The following SUGP1 variants were observed in gnomAD, a reference collection of about 807,000 sequenced individuals.
SUGP1 encodes the protein SURP and G-patch domain-containing protein 1.
Under a neutral mutation model 76.5 loss-of-function variants are expected in SUGP1, and 34 were observed. The observed-to-expected ratio is 0.44, with a 90% CI of 0.34 to 0.59. The LOEUF is 0.59. Among genes scored for constraint, SUGP1 ranks in the 20% least tolerant of loss-of-function variants. The pLI is 0.01. For missense variants in SUGP1, 752 were observed against 851.7 expected (o/e 0.88, Z 1.46); for synonymous variants, 326 against 326.2 (o/e 1.00, Z 0.01).
At chr19:19,277,261 G>T (rs2061059336) in intron 12 of SUGP1, among the ~76,000 whole-genome samples, 185 bp from the exon 13 acceptor site, 2 of 150,902 alleles carry the variant, frequency 1.3e-5, no homozygotes, top group South Asian at 4.2e-4. Context: ...CGGGGGGGGG[G>T]GGCCTAGGCC....
intron 9 of SUGP1, 65 bp from the exon 10 acceptor site, chr19:19,279,455 C>A: frequency 6.7e-7 from 1 of 1,488,532 alleles, no homozygotes; most frequent in Non-Finnish European, 9.0e-7. Context: ...CCCGCTCCTG[C>A]TCCCCGCCTC....
intron 7 of SUGP1, chr19:19,301,985 T>C (rs979801149): frequency 9.1e-6 from 4 of 441,212 alleles, no homozygotes; most frequent in Non-Finnish European, 1.6e-5. Flanking sequence ...CAAAGGCAAC[T>C]GGGCAAGTGC....
intron 2 of SUGP1, among the ~76,000 whole-genome samples, chr19:19,314,187 C>T (rs765726736): frequency 6.6e-6 from 1 of 150,798 alleles, no homozygotes; most frequent in Non-Finnish European, 1.5e-5. Context: ...AGCCGGGCAT[C>T]GTGGCGCACA....
At chr19:19,283,477 CAG>C (rs2061115859) in intron 8 of SUGP1, among the ~76,000 whole-genome samples, 3 of 150,946 alleles carry the variant, frequency 2.0e-5, no homozygotes, top group Admixed American at 6.6e-5. Flanking sequence ...GTTTTTGAGA[CAG>C]AGTCTCACTC....
In SUGP1 at chr19:19,297,153, G is replaced by A. The variant is rs747450618; in HGVS notation, c.1079C>T (p.Ala360Val). 1.5e-5 allele frequency: 24 copies of A among 1,613,602 alleles called. No homozygotes were observed. Among genetic ancestry groups the A allele is most frequent in the South Asian group, 6.6e-5 (6 of 91,050 alleles). ...AGCTGGAGCAGGGATGATAGTGGGC[G>A]CAGGCGTGGACGAGGCGGGGCAGGT... The part of the protein sequence containing the change: ...ATTCPASSTP[A>V]PTIIPAPAAP... The change falls in exon 8 of 14, where the codon GCG (alanine) becomes GTG (valine). Residue 360 changes from alanine (A) to valine (V), a missense_variant. Ala to Val is a moderately conservative substitution (Grantham distance 64). Around this residue, in one of 2 missense-constraint regions of SUGP1, gnomAD observed 620 missense variants for 617.3 expected, o/e 1.00. Transcript: ENST00000247001.
chr19:19,304,164 GTT>G, intron 4 of SUGP1: 2 of 682,080 alleles, frequency 2.9e-6, no homozygotes, highest in Non-Finnish European at 4.6e-6. Context: ...TTCTTTACCA[GTT>G]TTCAGCATAA....
At chr19:19,289,292 C>T (rs959844875) in intron 8 of SUGP1, among the ~76,000 whole-genome samples, 1 of 152,042 alleles carries the variant, frequency 6.6e-6, no homozygotes, top group Non-Finnish European at 1.5e-5. Context: ...ATATGCAGTC[C>T]ATCACTGACC....
intron 1 of SUGP1, among the ~76,000 whole-genome samples, chr19:19,320,054 G>A (rs554658089): frequency 6.6e-6 from 1 of 152,200 alleles, no homozygotes. Flanking sequence ...AGTGTGTCAA[G>A]GGAGCCTCAA....
chr19:19,315,416 C>A (rs2061386432), intron 2 of SUGP1, among the ~76,000 whole-genome samples: 2 of 152,154 alleles, frequency 1.3e-5, no homozygotes, highest in East Asian at 1.9e-4. Flanking sequence ...GAGGAAGGGG[C>A]CTGCCTCTCA....
chr19:19,304,281 C>G (rs2146617458), intron 4 of SUGP1, among the ~76,000 whole-genome samples: 1 of 152,242 alleles, frequency 6.6e-6, no homozygotes, highest in South Asian at 2.1e-4. Context: ...TCCATGGCAA[C>G]TAGTGTCATC....
At position 19,279,336 on chromosome 19, in the gene SUGP1, G is replaced by A; in HGVS notation, c.1405C>T (p.Gln469Ter). 6.2e-7 allele frequency: 1 copy of A among 1,610,518 alleles called. No homozygotes were observed. The highest frequency in any genetic ancestry group is 8.5e-7 in the Non-Finnish European group (1 of 1,179,750). The change falls in exon 10 of 14, where the codon CAG becomes TAG. Residue 469 changes from glutamine to a stop codon, truncating the protein, a stop_gained. Transcript: ENST00000247001. LOFTEE classifies it high-confidence loss of function. ...MQHKRAMQDM[Q>*]LLWEKAVQQH... ...TGGACTGCCTTCTCCCACAGCAGCT[G>A]CATGTCCTGCATGGCCCGCTTGTGC...
intron 7 of SUGP1, among the ~76,000 whole-genome samples, chr19:19,298,682 G>A (rs1026244464): frequency 6.6e-6 from 1 of 152,214 alleles, no homozygotes; most frequent in African/African-American, 2.4e-5. Context: ...AGGAACATAT[G>A]CAAAGATTAA....
chr19:19,297,400 A>ATTCTGGGCAGGAGCAATTCTGGCC, intron 7 of SUGP1, 56 bp from the exon 8 acceptor site: 1 of 1,349,532 alleles, frequency 7.4e-7, no homozygotes, highest in Non-Finnish European at 1.0e-6. Context: ...CCTGTCCCTG[A>ATTCTGGGCAGGAGCAATTCTGGCC]TTCTGGGCAG....
rs2061266439 is a variant in SUGP1 at position 19,300,851 on chromosome 19, AC to A, written c.887+1413del. On this transcript the variant is annotated intron_variant, in intron 7 of 13. Coordinates refer to ENST00000247001, the MANE Select transcript of SUGP1 (RefSeq NM_172231.4). ...AAGGACACACAGGAGGGCCGGGGCCACCTGCACCAATAGCATCTCTCAGTTC... is the reference window on the plus strand; with the variant it reads ...AAGGACACACAGGAGGGCCGGGGCCACTGCACCAATAGCATCTCTCAGTTC... 2.6e-5 allele frequency among the ~76,000 whole-genome samples: 4 copies of A among 152,114 alleles called. No individual in the cohort carries two copies. In the South Asian group the frequency reaches 8.3e-4, roughly 32 times the overall value.
intron 10 of SUGP1, 48 bp downstream of exon 10, chr19:19,279,164 AG>A: frequency 3.3e-6 from 5 of 1,512,174 alleles, no homozygotes; most frequent in South Asian, 1.3e-5. Context: ...AGGGCAGGTG[AG>A]GGGGGCCATG....
chr19:19,279,505 AC>A, intron 9 of SUGP1, 115 bp from the exon 10 acceptor site: 1 of 1,177,504 alleles, frequency 8.5e-7, no homozygotes, highest in Non-Finnish European at 1.2e-6. Context: ...GCTCATCTGG[AC>A]CCCTGGGCAG....
intron 13 of SUGP1, 121 bp downstream of exon 13, chr19:19,276,826 T>G (rs2146586253): frequency 6.5e-7 from 1 of 1,538,208 alleles, no homozygotes; most frequent in East Asian, 2.3e-5. Context: ...TGCAGGTGGG[T>G]GGTAGGGGGC....
At chr19:19,313,913 G>A (rs944605045) in intron 2 of SUGP1, among the ~76,000 whole-genome samples, 1 of 151,956 alleles carries the variant, frequency 6.6e-6, no homozygotes, top group African/African-American at 2.4e-5. Context: ...CGAGGTGGGA[G>A]GAACAACCTG....
At chr19:19,310,601 T>C (rs1302120922) in intron 2 of SUGP1, among the ~76,000 whole-genome samples, 2 of 152,160 alleles carry the variant, frequency 1.3e-5, no homozygotes, top group African/African-American at 4.8e-5. Context: ...CTTAGAGTTT[T>C]CCAAGGCAGG....
Sources: gnomAD v4.1 joint callset for allele counts (sites outside exome capture counted in the v4.1 genomes callset) on GRCh38, gnomAD v4.1.1 for gene constraint, gnomAD v4.1.1 regional missense constraint, MANE v1.5 for transcripts, NCBI Gene and HGNC (gene_info 2026-07-23, HGNC 2026-07-21) for gene names.